BAIAP2: variants seen among roughly 807,000 people sequenced by gnomAD.
BAIAP2 encodes BAR/IMD domain-containing adapter protein 2.
Under a neutral mutation model 63.0 loss-of-function variants are expected in BAIAP2, and 18 were observed. The observed-to-expected ratio is 0.29, with a 90% confidence interval of 0.20 to 0.42. The LOEUF (loss-of-function observed/expected upper bound fraction) is 0.42. Among genes scored for constraint, BAIAP2 ranks in the 10% least tolerant of loss-of-function variants. The probability of loss-of-function intolerance (pLI) is 1.00; values close to 1 mark genes in which losing one functional copy is unlikely to be tolerated. For synonymous variants in BAIAP2, 386 were observed against 307.6 expected, an observed-to-expected ratio of 1.25 and a Z score of -2.67; for missense variants, 610 against 734.3, an observed-to-expected ratio of 0.83 and a Z score of 1.96.
chr17:81,060,540 G>A (rs1417267768), intron 3 of BAIAP2, among the ~76,000 whole-genome samples: 5 of 152,158 alleles, frequency 3.3e-5, no homozygotes, highest in African/African-American at 4.8e-5. Flanking sequence ...CCTGTTTGTG[G>A]CTGAACGATG....
chr17:81,094,305 A>G (rs1001995004), intron 6 of BAIAP2, among the ~76,000 whole-genome samples: 4 of 152,136 alleles, frequency 2.6e-5, no homozygotes, highest in Non-Finnish European at 5.9e-5. Flanking sequence ...GCCCGTGGGC[A>G]TGTGCTCACC....
intron 3 of BAIAP2, among the ~76,000 whole-genome samples, chr17:81,079,982 C>T (rs765331725): frequency 1.1e-4 from 16 of 152,166 alleles, no homozygotes; most frequent in South Asian, 2.1e-4. Flanking sequence ...CATGGCCTCA[C>T]GTCTCACCCC....
At chr17:81,098,307 C>T in intron 6 of BAIAP2, 2 of 751,018 alleles carry the variant, frequency 2.7e-6, no homozygotes, top group South Asian at 6.4e-5. Flanking sequence ...GCTTCTTCGC[C>T]ACTCTCTCCC....
rs1379533397 is a variant in BAIAP2 at position 81,104,254 on chromosome 17, C to T, written c.1066+146C>T. ...TGTGTACCTACATGCATGTGGTACA[C>T]ACACGTGTGCCTGCCCAGCATCCAG... On this transcript the variant is annotated intron_variant, in intron 9 of 13. Transcript: ENST00000428708. The T allele has an allele frequency of 3.2e-6, 3 of 949,568 alleles. No individual in the cohort carries two copies. The East Asian group carries it at 7.9e-5, about 25-fold the overall frequency. 58.8% of individuals were successfully genotyped at this position (949,568 alleles called of 1,614,324 possible). A position where few individuals can be genotyped will look rare whatever the true frequency, so the allele number is the denominator to read the frequency against.
chr17:81,105,511 T>A (rs1483601362), intron 10 of BAIAP2: 1 of 154,554 alleles, frequency 6.5e-6, no homozygotes, highest in African/African-American at 2.4e-5. Context: ...GGGCCACACC[T>A]CCTCAGTTTA....
chr17:81,098,408 A>G (rs1598769588), intron 6 of BAIAP2, among the ~76,000 whole-genome samples: 1 of 142,100 alleles, frequency 7.0e-6, no homozygotes, highest in Admixed American at 7.0e-5. Context: ...TGCTTGCACT[A>G]CTTCTTTTAA....
intron 1 of BAIAP2, among the ~76,000 whole-genome samples, chr17:81,049,359 G>A: frequency 6.6e-6 from 1 of 152,224 alleles, no homozygotes; most frequent in East Asian, 1.9e-4. Context: ...AGTGTGGACA[G>A]CTGGGCTTCA....
chr17:81,053,353 C>T, intron 1 of BAIAP2: 1 of 319,104 alleles, frequency 3.1e-6, no homozygotes, highest in Non-Finnish European at 5.8e-6. Context: ...AGCGGCGCGT[C>T]TGAGCGCCAG....
Position 81,116,446 on chromosome 17 carries a change from C to T in BAIAP2, c.*607C>T, listed in dbSNP as rs1185188879. The T allele has an allele frequency of 8.7e-7, 1 of 1,154,330 alleles. No individual in the cohort carries two copies. Among genetic ancestry groups the T allele is most frequent in the Non-Finnish European group, 1.2e-6 (1 of 827,344 alleles). 71.5% of individuals were successfully genotyped at this position (1,154,330 alleles called of 1,614,324 possible). A position where few individuals can be genotyped will look rare whatever the true frequency, so the allele number is the denominator to read the frequency against. On this transcript the variant is annotated 3_prime_UTR_variant, in exon 14 of 14. Transcript: ENST00000428708. The stretch of plus-strand genomic sequence containing the variant: ...AATGTCACAAGGGCCTCCCCAGGCC[C>T]CTCCTGCCTCGGGCAGGCCCCAGCC...
At chr17:81,052,252 T>C (rs1454644517) in intron 1 of BAIAP2, among the ~76,000 whole-genome samples, 1 of 152,234 alleles carries the variant, frequency 6.6e-6, no homozygotes, top group Non-Finnish European at 1.5e-5. Flanking sequence ...CACGTCTCGC[T>C]GAGCACGCCT....
At chr17:81,048,907 C>G (rs1003383173) in intron 1 of BAIAP2, among the ~76,000 whole-genome samples, 3 of 152,228 alleles carry the variant, frequency 2.0e-5, no homozygotes, top group Admixed American at 2.0e-4. Context: ...TCGCGGCATG[C>G]GTCCTATGAG....
intron 13 of BAIAP2, among the ~76,000 whole-genome samples, chr17:81,112,863 C>T (rs2060077784): frequency 6.6e-6 from 1 of 151,844 alleles, no homozygotes; most frequent in African/African-American, 2.4e-5. Flanking sequence ...TCAGCCTGGG[C>T]AACCTAGGGA....
At chr17:81,041,518 C>G (rs974264529) in intron 1 of BAIAP2, among the ~76,000 whole-genome samples, 1 of 152,128 alleles carries the variant, frequency 6.6e-6, no homozygotes, top group African/African-American at 2.4e-5. Context: ...GAACAGTTGT[C>G]TTATAATTGG....
chr17:81,085,509 A>C, intron 4 of BAIAP2, 145 bp from the exon 5 acceptor site: 2 of 720,664 alleles, frequency 2.8e-6, no homozygotes, highest in Non-Finnish European at 5.0e-6. Flanking sequence ...GCGGGGCCAC[A>C]GCTCATCAGT....
At chr17:81,050,752 C>CATGCATGTGTGT (rs2048547256) in intron 1 of BAIAP2, among the ~76,000 whole-genome samples, 2 of 150,628 alleles carry the variant, frequency 1.3e-5, no homozygotes, top group African/African-American at 4.9e-5. Context: ...CGTGGACACA[C>CATGCATGTGTGT]ATGCACACAT....
At chr17:81,041,610 T>C (rs1416975128) in intron 1 of BAIAP2, among the ~76,000 whole-genome samples, 2 of 152,210 alleles carry the variant, frequency 1.3e-5, no homozygotes, top group Admixed American at 1.3e-4. Context: ...GTTTTGCTCT[T>C]GTTGCCCAGG....
rs138907340 is a variant in BAIAP2, at chr17:81,082,665, C to T, written c.218-2167C>T. On this transcript the variant is annotated intron_variant, in intron 3 of 13. Coordinates refer to ENST00000428708, the MANE Select transcript of BAIAP2 (RefSeq NM_001144888.2). ...CATGAATCCCTTTCCTCTTCTCCCT[C>T]CACAGAAATCTGTGCCCCTGACACG... Among the ~76,000 whole-genome samples, 208 of 152,346 alleles carry T rather than the reference C, an allele frequency of 1.4e-3. 1 individual carries two copies. Among genetic ancestry groups the T allele is most frequent in the Middle Eastern group, 3.4e-3 (1 of 294 alleles).
rs117102084 is a variant in BAIAP2, at chr17:81,115,800, G to C, written c.1566G>C (p.Pro522=). ...RNPFAHVQLK[P]TVTNDRSAPL... is the part of the protein sequence containing the mutation. ...CCTTTGCCCACGTCCAGCTGAAGCCGACAGTGACCAACGACAGGTCTGCCC... is the reference window on the plus strand; with the variant it reads ...CCTTTGCCCACGTCCAGCTGAAGCCCACAGTGACCAACGACAGGTCTGCCC... The change falls in exon 14 of 14, where the codon CCG becomes CCC. Residue 522 remains proline, a synonymous_variant. Transcript: ENST00000428708. 2 of 1,613,552 alleles carry C rather than the reference G, an allele frequency of 1.2e-6. No individual in the cohort carries two copies. The highest frequency in any genetic ancestry group is 1.7e-6 in the Non-Finnish European group (2 of 1,180,022).
chr17:81,116,262 G>A lies in BAIAP2; in HGVS notation c.*423G>A, dbSNP rs758259928. ...CTGTCCGCCCAAGGGCCAGAAGGCC[G>A]GGAGCACGGGGATGGGAGCGCCCGC... On this transcript the variant is annotated 3_prime_UTR_variant, in exon 14 of 14. Transcript: ENST00000428708. 57 of 1,612,736 alleles carry A rather than the reference G, an allele frequency of 3.5e-5. No homozygotes were observed. The highest frequency in any genetic ancestry group is 5.5e-5 in the South Asian group (5 of 91,090).
Sources: gnomAD v4.1 joint callset for allele counts (sites outside exome capture counted in the v4.1 genomes callset) on GRCh38, gnomAD v4.1.1 for gene constraint, MANE v1.5 for transcripts, NCBI Gene and HGNC (gene_info 2026-07-23, HGNC 2026-07-21) for gene names.